The following CLEC16A variants were observed in gnomAD, a reference collection of about 807,000 sequenced individuals.
The protein encoded by CLEC16A is protein CLEC16A.
CLEC16A carries 51 observed loss-of-function variants against 109.5 expected under a neutral mutation model. The ratio of observed to expected loss-of-function variants is 0.47; its 90% confidence interval spans 0.37 to 0.59. The LOEUF (loss-of-function observed/expected upper bound fraction) is 0.59. CLEC16A is among the 20% of genes least tolerant of loss of function. The pLI is 0.00. For missense variants in CLEC16A, 1,339 were observed against 1,394.0 expected (o/e 0.96, Z 0.63); for synonymous variants, 673 against 564.2 (o/e 1.19, Z -2.73).
At chr16:11,000,130 G>A (rs555183506) in intron 10 of CLEC16A, among the ~76,000 whole-genome samples, 25 of 152,280 alleles carry the variant, frequency 1.6e-4, no homozygotes, top group Admixed American at 1.6e-3. Flanking sequence ...GAGCCACCAC[G>A]CCCGGCCTCT....
intron 22 of CLEC16A, chr16:11,135,945 T>C (rs530740247): frequency 6.6e-6 from 1 of 152,468 alleles, no homozygotes; most frequent in South Asian, 2.1e-4. Context: ...CAGAAAAGAC[T>C]GGAAGACACC....
intron 11 of CLEC16A, among the ~76,000 whole-genome samples, chr16:11,017,099 GA>G: frequency 6.6e-6 from 1 of 152,148 alleles, no homozygotes; most frequent in South Asian, 2.1e-4. Flanking sequence ...ATCTCCCCAC[GA>G]GAACACTTTG....
At chr16:11,134,092 A>C (rs1408168236) in intron 22 of CLEC16A, among the ~76,000 whole-genome samples, 2 of 152,064 alleles carry the variant, frequency 1.3e-5, no homozygotes, top group Non-Finnish European at 2.9e-5. Flanking sequence ...AGGTCACACC[A>C]GATACCCTCC....
At chr16:11,176,739 A>T (rs996114445) in intron 23 of CLEC16A, among the ~76,000 whole-genome samples, 7 of 152,136 alleles carry the variant, frequency 4.6e-5, no homozygotes, top group African/African-American at 1.7e-4. Context: ...CCCTGTCTCA[A>T]AAAAACAAAA....
At chr16:11,167,892 A>G (rs1422497828) in intron 23 of CLEC16A, among the ~76,000 whole-genome samples, 1 of 152,078 alleles carries the variant, frequency 6.6e-6, no homozygotes, top group Non-Finnish European at 1.5e-5. Flanking sequence ...ACTAAGACGC[A>G]CCCTCAGTAG....
chr16:11,098,885 C>T (rs1597378431), intron 19 of CLEC16A, among the ~76,000 whole-genome samples: 1 of 152,242 alleles, frequency 6.6e-6, no homozygotes, highest in Non-Finnish European at 1.5e-5. Context: ...GTGAGCAGGT[C>T]AGACCCTGCT....
intron 7 of CLEC16A, among the ~76,000 whole-genome samples, chr16:10,975,737 C>G (rs2043001716): frequency 6.6e-6 from 1 of 152,082 alleles, no homozygotes; most frequent in Admixed American, 6.5e-5. Flanking sequence ...AACCCAATCT[C>G]CCAGATTCAA....
chr16:11,111,936 C>T (rs558942983), intron 19 of CLEC16A, among the ~76,000 whole-genome samples: 2 of 152,218 alleles, frequency 1.3e-5, no homozygotes, highest in South Asian at 2.1e-4. Context: ...AATTTACTCT[C>T]GCATGTGCGT....
chr16:11,100,074 G>A (rs2050826087), intron 19 of CLEC16A, among the ~76,000 whole-genome samples: 1 of 152,100 alleles, frequency 6.6e-6, no homozygotes, highest in Admixed American at 6.5e-5. Flanking sequence ...CTATTGGACA[G>A]CCTGACTAGC....
intron 13 of CLEC16A, among the ~76,000 whole-genome samples, chr16:11,034,914 T>C (rs2046939054): frequency 1.4e-5 from 2 of 143,414 alleles, no homozygotes; most frequent in South Asian, 4.5e-4. Flanking sequence ...AATGAGTGTC[T>C]GTGTGTGTAT....
chr16:10,987,258 A>G (rs1233335295), intron 10 of CLEC16A, among the ~76,000 whole-genome samples: 1 of 152,062 alleles, frequency 6.6e-6, no homozygotes. Context: ...AGTTTCCCCC[A>G]GTGGTAACAT....
chr16:11,116,482 G>C lies in CLEC16A; in HGVS notation c.2117-4133G>C, dbSNP rs76576206. On this transcript the variant is annotated intron_variant, in intron 19 of 23. Transcript: ENST00000409790. ...TGTGGGGGTACCTGGCTGACTTCGG[G>C]GGTCATGTGCTGGAGAGAATAGAGG... is the stretch of plus-strand genomic sequence containing the variant. 7.7e-4 allele frequency among the ~76,000 whole-genome samples: 117 copies of C among 152,210 alleles called. 1 individual carries two copies. The highest frequency in any genetic ancestry group is 5.0e-3 in the Admixed American group (77 of 15,286).
rs958337896 is a variant in CLEC16A, at chr16:11,047,345, A to G, written c.1866+3A>G. On this transcript the variant is annotated splice_donor_region_variant and intron_variant, in intron 17 of 23. Transcript: ENST00000409790. ...AAGATGAGTATAGGAGCATGACAGT[A>G]AGTGAGGGGCTGGGACACACTTGGG... is the stretch of plus-strand genomic sequence containing the variant. 1 of 1,606,630 alleles carries G rather than the reference A, an allele frequency of 6.2e-7. No individual in the cohort carries two copies. Among genetic ancestry groups the G allele is most frequent in the Admixed American group, 1.7e-5 (1 of 58,920 alleles).
chr16:11,126,618 T>G (rs554394186), intron 22 of CLEC16A: 3 of 280,170 alleles, frequency 1.1e-5, no homozygotes, highest in South Asian at 1.0e-4. Context: ...CCTCCCACTT[T>G]TGCCACAGCT....
chr16:10,965,150 T>C (rs1227847646), intron 3 of CLEC16A, among the ~76,000 whole-genome samples: 1 of 152,196 alleles, frequency 6.6e-6, no homozygotes, highest in African/African-American at 2.4e-5. Flanking sequence ...TGGCTTTTCT[T>C]GTCCTGGCAC....
intron 19 of CLEC16A, among the ~76,000 whole-genome samples, chr16:11,086,447 C>G (rs538443450): frequency 3.3e-5 from 5 of 152,348 alleles, no homozygotes; most frequent in Admixed American, 6.5e-5. Flanking sequence ...TATGGTAAGG[C>G]TTCGGATAGT....
At chr16:11,109,451 G>A (rs2051434739) in intron 19 of CLEC16A, among the ~76,000 whole-genome samples, 2 of 152,150 alleles carry the variant, frequency 1.3e-5, no homozygotes, top group Admixed American at 1.3e-4. Context: ...ACCTCACTCA[G>A]CCCTGATAAT....
intron 17 of CLEC16A, chr16:11,048,394 C>T (rs956863459): frequency 6.6e-6 from 1 of 152,250 alleles, no homozygotes; most frequent in East Asian, 1.9e-4. Flanking sequence ...GTTATCCCAG[C>T]ACCTGCCCTT....
chr16:11,078,041 G>A (rs2049489363), intron 19 of CLEC16A, among the ~76,000 whole-genome samples: 1 of 151,400 alleles, frequency 6.6e-6, no homozygotes, highest in Admixed American at 6.6e-5. Flanking sequence ...CTGAGCTTGG[G>A]ACATGTAAAA....
Sources: gnomAD v4.1 joint callset for allele counts (sites outside exome capture counted in the v4.1 genomes callset) on GRCh38, gnomAD v4.1.1 for gene constraint, MANE v1.5 for transcripts, NCBI Gene and HGNC (gene_info 2026-07-23, HGNC 2026-07-21) for gene names.